Variants in COL5A2 observed in about 807,000 individuals in gnomAD.
COL5A2 encodes collagen alpha-2(V) chain.
Under a neutral mutation model 208.2 loss-of-function variants are expected in COL5A2, and 23 were observed. The observed-to-expected ratio is 0.11, with a 90% confidence interval of 0.08 to 0.16. The LOEUF (loss-of-function observed/expected upper bound fraction) is 0.16, where lower values mean the gene tolerates loss of function less well. Among genes scored for constraint, COL5A2 ranks in the 10% least tolerant of loss-of-function variants. The pLI is 1.00. For missense variants in COL5A2, 1,590 were observed against 1,956.4 expected, an observed-to-expected ratio of 0.81 and a Z score of 3.53; for synonymous variants, 625 against 628.5, an observed-to-expected ratio of 0.99 and a Z score of 0.08.
At position 189,033,928 on chromosome 2, in the gene COL5A2, C is replaced by T; in HGVS notation, c.*142G>A. The stretch of plus-strand genomic sequence containing the variant: ...TATTCTGAAGGATAAGGAGGCCAGG[C>T]ACTTAAGACCATATATACAATGCTG... On this transcript the variant is annotated 3_prime_UTR_variant, in exon 54 of 54. Transcript: ENST00000374866. The T allele has an allele frequency of 9.8e-7, 1 of 1,015,412 alleles. No individual in the cohort carries two copies. The allele number at this position is 1,015,412 out of a possible 1,614,324, so 62.9% of individuals were successfully genotyped here. A position where few individuals can be genotyped will look rare whatever the true frequency, so the allele number is the denominator to read the frequency against.
At chr2:189,378,650 G>A in the COL5A2 span, among the ~76,000 whole-genome samples, 5 of 151,914 alleles carry the variant, frequency 3.3e-5, no homozygotes, top group African/African-American at 1.2e-4. Flanking sequence ...CGTGAACCCA[G>A]GAGGCGGAGC....
At chr2:189,051,568 A>C in intron 41 of COL5A2, 87 bp from the exon 42 acceptor site, 1 of 1,234,848 alleles carries the variant, frequency 8.1e-7, no homozygotes, top group Non-Finnish European at 1.1e-6. Flanking sequence ...CCTCAGATGC[A>C]GATGTCCAAG....
the COL5A2 span, among the ~76,000 whole-genome samples, chr2:189,359,094 TC>T: frequency 1.3e-5 from 2 of 152,220 alleles, no homozygotes; most frequent in African/African-American, 4.8e-5. Context: ...TGCTAGAAAT[TC>T]TATTATTATG....
Position 189,064,108 on chromosome 2 carries a change from TG to T in COL5A2, c.1717-76del, listed in dbSNP as rs74497802. Reference sequence around the variant, plus strand: ...TAAAGATTCTTAAGAGTAAAAATAGTGTTGCATTTTTGTCAACTGAATAGAA... The same window carrying T: ...TAAAGATTCTTAAGAGTAAAAATAGTTTGCATTTTTGTCAACTGAATAGAA... On this transcript the variant is annotated intron_variant, in intron 25 of 53. Transcript: ENST00000374866. 176,568 of 1,208,372 alleles carry T rather than the reference TG, an allele frequency of 0.15. 13,814 individuals are homozygous for T. The highest frequency in any genetic ancestry group is 0.24 in the Middle Eastern group (957 of 3,932). The allele number at this position is 1,208,372 out of a possible 1,614,324, so 74.9% of individuals were successfully genotyped here.
upstream of COL5A2, among the ~76,000 whole-genome samples, chr2:189,182,507 A>G (rs1475067398): frequency 6.6e-6 from 1 of 151,946 alleles, no homozygotes; most frequent in East Asian, 1.9e-4. Context: ...TTGACACTCA[A>G]ACTTCTATTA....
the COL5A2 span, among the ~76,000 whole-genome samples, chr2:189,246,660 A>C: frequency 6.6e-6 from 1 of 152,226 alleles, no homozygotes; most frequent in African/African-American, 2.4e-5. Flanking sequence ...AGTTATATAC[A>C]GATGTGACAG....
At chr2:189,159,282 A>G (rs1299482986) in intron 1 of COL5A2, among the ~76,000 whole-genome samples, 1 of 152,168 alleles carries the variant, frequency 6.6e-6, no homozygotes, top group African/African-American at 2.4e-5. Context: ...GGTTCTCTTC[A>G]CAGGAATCTA....
the COL5A2 span, among the ~76,000 whole-genome samples, chr2:189,291,219 C>A: frequency 6.6e-6 from 1 of 152,022 alleles, no homozygotes; most frequent in Non-Finnish European, 1.5e-5. Flanking sequence ...AGTCTTCTCA[C>A]TTAAGAGATT....
chr2:189,241,227 T>G, the COL5A2 span, among the ~76,000 whole-genome samples: 64 of 152,320 alleles, frequency 4.2e-4, no homozygotes, highest in African/African-American at 1.5e-3. Context: ...CTATTTTTTT[T>G]GTAAACTTAT....
intron 7 of COL5A2, among the ~76,000 whole-genome samples, chr2:189,091,304 CAAAG>C (rs1686778500): frequency 6.6e-6 from 1 of 152,130 alleles, no homozygotes; most frequent in African/African-American, 2.4e-5. Context: ...TATGAATGAG[CAAAG>C]AAAGTCGTTT....
At chr2:189,377,423 C>G in the COL5A2 span, among the ~76,000 whole-genome samples, 1 of 152,124 alleles carries the variant, frequency 6.6e-6, no homozygotes. Flanking sequence ...GACTATTAAT[C>G]TCCCATAAAC....
At chr2:189,289,216 C>T in the COL5A2 span, among the ~76,000 whole-genome samples, 2 of 151,916 alleles carry the variant, frequency 1.3e-5, no homozygotes, top group African/African-American at 4.8e-5. Context: ...GTGGCGTACA[C>T]CTGTAATCCC....
At chr2:189,203,439 T>C (rs138169434) in intron 1 of COL5A2, among the ~76,000 whole-genome samples, 1 of 152,240 alleles carries the variant, frequency 6.6e-6, no homozygotes, top group African/African-American at 2.4e-5. Flanking sequence ...AATACTTTAG[T>C]GTTTCTAAAA....
At chr2:189,060,930 T>A in intron 30 of COL5A2, 147 bp from the exon 31 acceptor site, 1 of 654,088 alleles carries the variant, frequency 1.5e-6, no homozygotes, top group Non-Finnish European at 2.7e-6. Flanking sequence ...AAGTAAAAAA[T>A]ATTGTTCAGA....
At chr2:189,329,103 G>C in the COL5A2 span, among the ~76,000 whole-genome samples, 1 of 152,284 alleles carries the variant, frequency 6.6e-6, no homozygotes, top group Non-Finnish European at 1.5e-5. Flanking sequence ...AGTGAGTAAA[G>C]AAAATGTGGG....
the COL5A2 span, among the ~76,000 whole-genome samples, chr2:189,363,150 A>T: frequency 6.6e-6 from 1 of 152,126 alleles, no homozygotes; most frequent in East Asian, 1.9e-4. Flanking sequence ...CCTTTCATTA[A>T]CTTTTTAAAA....
intron 1 of COL5A2, among the ~76,000 whole-genome samples, chr2:189,115,608 C>T (rs970920267): frequency 2.6e-5 from 4 of 152,122 alleles, no homozygotes; most frequent in African/African-American, 9.7e-5. Flanking sequence ...ACAGCACACA[C>T]GTGTTATAAA....
At chr2:189,430,053 G>A in the COL5A2 span, among the ~76,000 whole-genome samples, 1 of 152,138 alleles carries the variant, frequency 6.6e-6, no homozygotes. Context: ...GATTTGCTTT[G>A]AAGTTGCTCT....
chr2:189,422,795 C>T, the COL5A2 span, among the ~76,000 whole-genome samples: 2 of 151,976 alleles, frequency 1.3e-5, no homozygotes, highest in African/African-American at 2.4e-5. Flanking sequence ...TAGGCCAAGG[C>T]GAGCAAATCA....
Sources: allele counts gnomAD v4.1 joint callset (sites outside exome capture counted in the v4.1 genomes callset), GRCh38; gene constraint gnomAD v4.1.1; transcripts MANE v1.5; gene names NCBI Gene and HGNC (gene_info 2026-07-23, HGNC 2026-07-21).